The following ZNF544 variants were observed in gnomAD, a reference collection of about 807,000 sequenced individuals.
The protein encoded by ZNF544 is zinc finger protein AF020591.
ZNF544 carries 10 observed loss-of-function variants against 13.5 expected under a neutral mutation model. That is an observed-to-expected ratio of 0.74 (90% CI 0.46 to 1.25). The LOEUF (loss-of-function observed/expected upper bound fraction) is 1.25, where lower values mean the gene tolerates loss of function less well. Ranked by LOEUF, ZNF544 falls within the 50% of genes most tolerant of loss-of-function variation. The pLI, the probability that ZNF544 is intolerant of heterozygous loss-of-function variation, is 0.00. For missense variants in ZNF544, 896 were observed against 845.6 expected, an observed-to-expected ratio of 1.06 and a Z score of -0.74; for synonymous variants, 323 against 300.5, an observed-to-expected ratio of 1.07 and a Z score of -0.77.
chr19:58,272,486 G>A (rs1185083230), intron 5 of ZNF544, among the ~76,000 whole-genome samples: 1 of 151,492 alleles, frequency 6.6e-6, no homozygotes, highest in Admixed American at 6.6e-5. Flanking sequence ...AGCCTGAGAA[G>A]TTGAGGCTGC....
intron 4 of ZNF544, among the ~76,000 whole-genome samples, chr19:58,245,241 CCT>C (rs1491164801): frequency 2.7e-5 from 4 of 149,220 alleles, no homozygotes; most frequent in African/African-American, 1.0e-4. Flanking sequence ...CGCCCGACCC[CCT>C]GTCACCTTCT....
chr19:58,236,445 C>T (rs1368587959), intron 3 of ZNF544, among the ~76,000 whole-genome samples: 4 of 146,684 alleles, frequency 2.7e-5, no homozygotes, highest in South Asian at 4.3e-4. Context: ...TGCAGTGAGC[C>T]GAGATCGCTT....
At chr19:58,239,999 T>C (rs1650339624) in intron 3 of ZNF544, among the ~76,000 whole-genome samples, 3 of 152,100 alleles carry the variant, frequency 2.0e-5, no homozygotes, top group African/African-American at 7.2e-5. Flanking sequence ...CCAGTGGAGT[T>C]GCGTAGACAG....
chr19:58,261,012 C>A lies in ZNF544; in HGVS notation c.406C>A (p.Gln136Lys). ...TCAGAGCAACCAGTTAAGGGAACAC[C>A]AGGAGAACTCCTTGAGGTTCATGGT... ...QDQSNQLREH[Q>K]ENSLRFMVLT... Residue 136 changes from glutamine to lysine, a missense_variant, in exon 7 of 7, where the codon CAG (glutamine) becomes AAG (lysine). Coordinates refer to ENST00000687789, the MANE Select transcript of ZNF544 (RefSeq NM_014480.4). 6.2e-7 allele frequency: 1 copy of A among 1,614,160 alleles called. No individual in the cohort carries two copies. The highest frequency in any genetic ancestry group is 8.5e-7 in the Non-Finnish European group (1 of 1,180,036).
chr19:58,276,304 G>T, intron 5 of ZNF544: 11 of 1,211,202 alleles, frequency 9.1e-6, no homozygotes, highest in Non-Finnish European at 1.1e-5. Context: ...GATCCTCCTA[G>T]TACCTTCTCT....
At chr19:58,241,181 T>TA (rs60251692) in intron 3 of ZNF544, among the ~76,000 whole-genome samples, 20,491 of 50,534 alleles carry the variant, frequency 0.41, 2,811 homozygotes, top group Non-Finnish European at 0.48. Flanking sequence ...ATATATATAT[T>TA]TTTTTTTTTT....
At chr19:58,240,621 G>A (rs1457920496) in intron 3 of ZNF544, among the ~76,000 whole-genome samples, 1 of 152,018 alleles carries the variant, frequency 6.6e-6, no homozygotes, top group Non-Finnish European at 1.5e-5. Flanking sequence ...AATTAGCTGG[G>A]CATTGTGATG....
Position 58,261,999 on chromosome 19 carries a change from G to C in ZNF544, c.1393G>C (p.Glu465Gln). The C allele has an allele frequency of 6.2e-7, 1 of 1,613,640 alleles. No homozygotes were observed. Among genetic ancestry groups the C allele is most frequent in the Non-Finnish European group, 8.5e-7 (1 of 1,179,986 alleles). Reference sequence around the variant, plus strand: ...AATTCATACTGGAGAGAAACCGTATGAGTGCACTCACTGTGGAAAGTCCTT... The same window carrying C: ...AATTCATACTGGAGAGAAACCGTATCAGTGCACTCACTGTGGAAAGTCCTT... Reference protein sequence around the residue: ...QRIHTGEKPYECTHCGKSFSQ... With the variant: ...QRIHTGEKPYQCTHCGKSFSQ... The change falls in exon 7 of 7, where the codon GAG becomes CAG. Residue 465 changes from glutamate (E) to glutamine (Q), a missense_variant. By Grantham distance (29) the Glu-to-Gln change is conservative. Coordinates refer to ENST00000687789, the MANE Select transcript of ZNF544 (RefSeq NM_014480.4).
intron 3 of ZNF544, among the ~76,000 whole-genome samples, chr19:58,239,929 G>A (rs911632237): frequency 5.9e-5 from 9 of 151,648 alleles, no homozygotes; most frequent in African/African-American, 2.2e-4. Context: ...AGTGGTCAAA[G>A]GCACGCATGT....
rs112829677 is a variant in ZNF544 at position 58,246,315 on chromosome 19, C to G, written c.48C>G (p.Phe16Leu). The G allele has an allele frequency of 7.4e-6, 12 of 1,613,914 alleles. No individual in the cohort carries two copies. Among genetic ancestry groups the G allele is most frequent in the Non-Finnish European group, 1.0e-5 (12 of 1,179,980 alleles). Residue 16 changes from phenylalanine to leucine, a missense_variant, in exon 5 of 7, where the codon TTC becomes TTG. Coordinates refer to ENST00000687789, the MANE Select transcript of ZNF544 (RefSeq NM_014480.4). Reference sequence around the variant, plus strand: ...CCCTGTTTCAGGCATCTGTGTGCTTCGAGGATGTGGCTATGGCATTCACAC... The same window carrying G: ...CCCTGTTTCAGGCATCTGTGTGCTTGGAGGATGTGGCTATGGCATTCACAC... ...MLVPPQASVCFEDVAMAFTQE... is the reference protein window; with the variant it reads ...MLVPPQASVCLEDVAMAFTQE...
intron 5 of ZNF544, 21 bp downstream of exon 5, chr19:58,246,448 A>G (rs1353235351): frequency 6.2e-7 from 1 of 1,613,516 alleles, no homozygotes; most frequent in Admixed American, 1.7e-5. Context: ...GTGCTCATGG[A>G]AGGAGGTTCT....
At chr19:58,254,585 T>C (rs924125401) in intron 6 of ZNF544, among the ~76,000 whole-genome samples, 1 of 152,174 alleles carries the variant, frequency 6.6e-6, no homozygotes, top group African/African-American at 2.4e-5. Context: ...AATCTTAGAG[T>C]GTCAGACATC....
At chr19:58,271,292 T>TA (rs1397139165) in intron 5 of ZNF544, among the ~76,000 whole-genome samples, 2 of 148,828 alleles carry the variant, frequency 1.3e-5, no homozygotes, top group African/African-American at 5.0e-5. Context: ...TTGGAACAGA[T>TA]ATGGTTAAAA....
In ZNF544 at chr19:58,262,469, G is replaced by C; in HGVS notation, c.1863G>C (p.Arg621Ser). The C allele has an allele frequency of 1.2e-6, 2 of 1,614,140 alleles. No homozygotes were observed. Among genetic ancestry groups the C allele is most frequent in the South Asian group, 1.1e-5 (1 of 91,090 alleles). ...KAFNRSTQLI[R>S]HLQIHTGEKP... is the part of the protein sequence containing the mutation. Reference sequence around the variant, plus strand: ...TCAATCGAAGCACTCAGCTCATCAGGCATCTGCAAATTCACACTGGGGAGA... The same window carrying C: ...TCAATCGAAGCACTCAGCTCATCAGCCATCTGCAAATTCACACTGGGGAGA... Residue 621 changes from arginine (R) to serine (S), a missense_variant, in exon 7 of 7, where the codon AGG (arginine) becomes AGC (serine). Transcript: ENST00000687789.
chr19:58,234,112 C>T (rs1238473248), intron 3 of ZNF544, among the ~76,000 whole-genome samples: 2 of 152,226 alleles, frequency 1.3e-5, no homozygotes, highest in African/African-American at 4.8e-5. Flanking sequence ...TCCCCACAGT[C>T]CACTCTCCAG....
intron 6 of ZNF544, among the ~76,000 whole-genome samples, chr19:58,252,598 A>G (rs996516871): frequency 6.6e-6 from 1 of 152,202 alleles, no homozygotes; most frequent in African/African-American, 2.4e-5. Flanking sequence ...TGAACTACAC[A>G]AAATCATTTC....
At chr19:58,256,330 C>T (rs1163589623) in intron 6 of ZNF544, among the ~76,000 whole-genome samples, 4 of 151,194 alleles carry the variant, frequency 2.6e-5, no homozygotes, top group African/African-American at 4.9e-5. Context: ...GTTAAAAATA[C>T]GCCACACTTT....
chr19:58,233,497 A>G (rs1158437962), intron 3 of ZNF544, among the ~76,000 whole-genome samples: 1 of 152,240 alleles, frequency 6.6e-6, no homozygotes, highest in Non-Finnish European at 1.5e-5. Flanking sequence ...ACTTCAACAC[A>G]TGTCTTAGAA....
At chr19:58,237,827 G>A (rs781345998) in intron 3 of ZNF544, among the ~76,000 whole-genome samples, 10 of 152,222 alleles carry the variant, frequency 6.6e-5, no homozygotes, top group Non-Finnish European at 1.2e-4. Flanking sequence ...AGCAAGGTGC[G>A]GAGCCACCCG....
Sources: gnomAD v4.1 joint callset for allele counts (sites outside exome capture counted in the v4.1 genomes callset) on GRCh38, gnomAD v4.1.1 for gene constraint, MANE v1.5 for transcripts, NCBI Gene and HGNC (gene_info 2026-07-23, HGNC 2026-07-21) for gene names.